The following CDK14 variants were observed in gnomAD, a reference collection of about 807,000 sequenced individuals.
The protein encoded by CDK14 is cyclin dependent kinase 14, also known as cyclin-dependent kinase 14.
A neutral mutation model predicts 60.7 loss-of-function variants in CDK14; 34 were observed. The ratio of observed to expected loss-of-function variants is 0.56; its 90% CI spans 0.43 to 0.75. CDK14 has a LOEUF of 0.75. Ranked by LOEUF, CDK14 falls within the 30% of genes least tolerant of loss-of-function variation. The probability of loss-of-function intolerance (pLI) is 0.00; values close to 1 mark genes in which losing one functional copy is unlikely to be tolerated. For missense variants in CDK14, 482 were observed against 564.1 expected (o/e 0.85, Z 1.47); for synonymous variants, 197 against 203.7 (o/e 0.97, Z 0.28).
intron 8 of CDK14, among the ~76,000 whole-genome samples, chr7:90,931,468 G>A (rs1793589046): frequency 6.6e-6 from 1 of 152,196 alleles, no homozygotes; most frequent in Non-Finnish European, 1.5e-5. Flanking sequence ...TGGATGTGAT[G>A]TCAAACAAGG....
intron 9 of CDK14, among the ~76,000 whole-genome samples, chr7:90,976,125 A>G (rs931538545): frequency 6.6e-6 from 1 of 152,172 alleles, no homozygotes; most frequent in Non-Finnish European, 1.5e-5. Flanking sequence ...ACTGTTCTCC[A>G]TAGAACATTC....
At chr7:90,696,336 C>CTTCTTCT (rs772009194) in intron 2 of CDK14, among the ~76,000 whole-genome samples, 3 of 125,694 alleles carry the variant, frequency 2.4e-5, no homozygotes, top group African/African-American at 3.1e-5. Flanking sequence ...ACTTCTTCTT[C>CTTCTTCT]TTTTTTTTTT....
intron 10 of CDK14, among the ~76,000 whole-genome samples, chr7:91,005,257 A>AC (rs1795947891): frequency 1.3e-5 from 2 of 152,236 alleles, no homozygotes; most frequent in Non-Finnish European, 2.9e-5. Context: ...CAAGGGCTGG[A>AC]AAGCTGGAAG....
intron 2 of CDK14, among the ~76,000 whole-genome samples, chr7:90,613,134 G>T (rs895857806): frequency 6.6e-6 from 1 of 152,146 alleles, no homozygotes; most frequent in African/African-American, 2.4e-5. Context: ...CCAGACAGTG[G>T]CTCAAATGTC....
At chr7:91,134,830 A>T (rs191156314) in intron 14 of CDK14, among the ~76,000 whole-genome samples, 1 of 151,496 alleles carries the variant, frequency 6.6e-6, no homozygotes, top group African/African-American at 2.4e-5. Context: ...AGCCGAGATC[A>T]CACCACTGCA....
chr7:90,782,594 T>C (rs1422493829), intron 4 of CDK14, among the ~76,000 whole-genome samples: 1 of 152,168 alleles, frequency 6.6e-6, no homozygotes, highest in African/African-American at 2.4e-5. Context: ...TTTCCTTGGC[T>C]AAACTATTGG....
intron 12 of CDK14, among the ~76,000 whole-genome samples, chr7:91,102,618 A>T (rs918887887): frequency 3.4e-4 from 39 of 115,188 alleles, no homozygotes; most frequent in African/African-American, 1.1e-3. Flanking sequence ...ACTATAGTGT[A>T]AAAAAAAAAA....
intron 12 of CDK14, among the ~76,000 whole-genome samples, chr7:91,087,979 T>A (rs554910523): frequency 6.6e-6 from 1 of 152,190 alleles, no homozygotes; most frequent in African/African-American, 2.4e-5. Context: ...CAAATTAGAT[T>A]GAAAGAAACC....
At chr7:90,859,190 T>C (rs1790925121) in intron 5 of CDK14, among the ~76,000 whole-genome samples, 1 of 152,222 alleles carries the variant, frequency 6.6e-6, no homozygotes, top group African/African-American at 2.4e-5. Flanking sequence ...GGAACACCCT[T>C]CTTATTGCCT....
intron 14 of CDK14, among the ~76,000 whole-genome samples, chr7:91,178,687 G>C (rs571400708): frequency 2.2e-3 from 334 of 152,052 alleles, no homozygotes; most frequent in African/African-American, 7.9e-3. Flanking sequence ...CATTTATGCA[G>C]CCAAAAAACA....
At chr7:91,060,391 C>T (rs920963215) in intron 11 of CDK14, among the ~76,000 whole-genome samples, 6 of 152,060 alleles carry the variant, frequency 3.9e-5, no homozygotes, top group African/African-American at 1.4e-4. Flanking sequence ...GAGCATCTAG[C>T]CCATTTACAT....
intron 4 of CDK14, among the ~76,000 whole-genome samples, chr7:90,761,495 T>G (rs1804309548): frequency 6.6e-6 from 1 of 152,208 alleles, no homozygotes; most frequent in Non-Finnish European, 1.5e-5. Flanking sequence ...GTTCCTGAGC[T>G]GCTTTATTGT....
chr7:90,932,345 A>G (rs1344049355), intron 8 of CDK14, among the ~76,000 whole-genome samples: 1 of 152,230 alleles, frequency 6.6e-6, no homozygotes, highest in African/African-American at 2.4e-5. Context: ...TCCCTATTTC[A>G]TAAAAACAAA....
At chr7:90,930,563 C>G (rs1793563387) in intron 8 of CDK14, among the ~76,000 whole-genome samples, 1 of 127,318 alleles carries the variant, frequency 7.9e-6, no homozygotes, top group African/African-American at 3.1e-5. Context: ...TGGTCAAGCT[C>G]AAGGTGTAGA....
intron 10 of CDK14, among the ~76,000 whole-genome samples, chr7:91,009,257 T>C (rs1456021875): frequency 6.6e-6 from 1 of 152,206 alleles, no homozygotes; most frequent in Non-Finnish European, 1.5e-5. Flanking sequence ...CACACATTTT[T>C]TAAACTCTTC....
intron 14 of CDK14, among the ~76,000 whole-genome samples, chr7:91,140,632 A>G (rs989564316): frequency 9.9e-5 from 15 of 152,214 alleles, no homozygotes; most frequent in African/African-American, 3.1e-4. Flanking sequence ...GTGCTATGCT[A>G]CTTACCAGCT....
At chr7:91,148,360 G>C (rs545341062) in intron 14 of CDK14, among the ~76,000 whole-genome samples, 1 of 151,934 alleles carries the variant, frequency 6.6e-6, no homozygotes, top group Non-Finnish European at 1.5e-5. Flanking sequence ...GCAATCAAGC[G>C]AGACCCTGTC....
rs117851154 is a variant in CDK14 at position 90,754,431 on chromosome 7, A to G, written c.464+6656A>G. Among the ~76,000 whole-genome samples, 1,034 of 152,320 alleles carry G rather than the reference A, an allele frequency of 6.8e-3. 7 individuals are homozygous for G. Among genetic ancestry groups the G allele is most frequent in the Non-Finnish European group, 0.011 (770 of 68,016 alleles). ...CTTGTATAGATGGCTGTCCATATGC[A>G]GGAGAATGAAAGTGGATCCCTCCCT... On this transcript the variant is annotated intron_variant, in intron 4 of 14. Coordinates refer to ENST00000380050, the MANE Select transcript of CDK14 (RefSeq NM_001287135.2).
At chr7:91,112,738 C>T (rs1799502327) in intron 13 of CDK14, 57 bp downstream of exon 13, 1 of 1,579,646 alleles carries the variant, frequency 6.3e-7, no homozygotes, top group Admixed American at 1.7e-5. Flanking sequence ...TTTATTTTGG[C>T]ATCTGTATGT....
Sources: gnomAD v4.1 joint callset for allele counts (sites outside exome capture counted in the v4.1 genomes callset) on GRCh38, gnomAD v4.1.1 for gene constraint, MANE v1.5 for transcripts, NCBI Gene and HGNC (gene_info 2026-07-23, HGNC 2026-07-21) for gene names.